EYS: variants seen among roughly 807,000 people sequenced by gnomAD.
The protein encoded by EYS is EGF-like photoreceptor maintenance factor.
In EYS, 250 loss-of-function variants were observed where a neutral mutation model predicts 282.1. The observed-to-expected ratio is 0.89, with a 90% CI of 0.80 to 0.98. The LOEUF (loss-of-function observed/expected upper bound fraction) is 0.98, where lower values mean the gene tolerates loss of function less well. Among genes scored for constraint, EYS ranks in the 50% least tolerant of loss-of-function variants. The pLI is 0.00. For missense variants in EYS, 4,016 were observed against 3,709.0 expected, an observed-to-expected ratio of 1.08 and a Z score of -2.15; for synonymous variants, 1,355 against 1,282.9, an observed-to-expected ratio of 1.06 and a Z score of -1.20.
chr6:63,981,269 G>A (rs1391623368), intron 35 of EYS, among the ~76,000 whole-genome samples: 3 of 151,742 alleles, frequency 2.0e-5, no homozygotes, highest in Non-Finnish European at 4.4e-5. Context: ...GCAAAAGACA[G>A]CATTCTTATT....
chr6:65,326,241 G>T (rs1222533124), intron 11 of EYS, among the ~76,000 whole-genome samples: 2 of 151,594 alleles, frequency 1.3e-5, no homozygotes, highest in African/African-American at 4.8e-5. Flanking sequence ...GTTTAGAAAA[G>T]CCTCCTCATT....
intron 31 of EYS, among the ~76,000 whole-genome samples, chr6:64,142,948 T>C (rs148190579): frequency 6.6e-6 from 1 of 152,216 alleles, no homozygotes; most frequent in African/African-American, 2.4e-5. Flanking sequence ...AGTAGGTAAA[T>C]TGTTTAAAAA....
chr6:65,425,962 A>G (rs111843784), intron 5 of EYS, among the ~76,000 whole-genome samples: 106 of 152,216 alleles, frequency 7.0e-4, no homozygotes, highest in Middle Eastern at 3.4e-3. Flanking sequence ...CTTCTTAATA[A>G]GTCAAACAGA....
chr6:64,978,011 G>A (rs1020733780), intron 14 of EYS, among the ~76,000 whole-genome samples: 1 of 151,920 alleles, frequency 6.6e-6, no homozygotes, highest in African/African-American at 2.4e-5. Flanking sequence ...GCAAGTGACT[G>A]TAGAAGCTGC....
At chr6:63,887,899 G>T (rs2149722717) in intron 35 of EYS, among the ~76,000 whole-genome samples, 3 of 152,338 alleles carry the variant, frequency 2.0e-5, no homozygotes, top group Middle Eastern at 6.8e-3. Context: ...GCACTGGCTT[G>T]AAATTCTTGC....
intron 1 of EYS, among the ~76,000 whole-genome samples, chr6:65,648,330 G>GTGTGTGTGTGTGTGTA: frequency 6.6e-6 from 1 of 151,946 alleles, no homozygotes; most frequent in East Asian, 1.9e-4. Flanking sequence ...GTGTGTGTGT[G>GTGTGTGTGTGTGTGTA]TGTGTGTGTG....
chr6:65,321,952 T>C (rs2150305852), intron 11 of EYS, among the ~76,000 whole-genome samples: 1 of 152,288 alleles, frequency 6.6e-6, no homozygotes, highest in South Asian at 2.1e-4. Flanking sequence ...CTGAATCTCC[T>C]TTTCCTTATT....
intron 2 of EYS, among the ~76,000 whole-genome samples, chr6:65,562,320 T>A (rs1304348955): frequency 1.3e-5 from 2 of 152,048 alleles, no homozygotes; most frequent in Non-Finnish European, 2.9e-5. Context: ...AGGGTACATA[T>A]CACCCATGGG....
Position 65,556,100 on chromosome 6 carries a change from TTAAC to T in EYS, c.-332-60111_-332-60108del, listed in dbSNP as rs761648347. 1.5e-4 allele frequency among the ~76,000 whole-genome samples: 23 copies of T among 152,304 alleles called. No homozygotes were observed. In the East Asian group the frequency reaches 1.7e-3, roughly 12 times the overall value. On this transcript the variant is annotated intron_variant, in intron 2 of 42. Transcript: ENST00000503581. ...GTTGCCCTCATTTTTCTTTCAATCTTTAACTATTTTGTTTTTCCACCTGAAAAAT... is the reference window on the plus strand; with the variant it reads ...GTTGCCCTCATTTTTCTTTCAATCTTTATTTTGTTTTTCCACCTGAAAAAT...
chr6:63,942,807 C>T (rs958652937), intron 35 of EYS, among the ~76,000 whole-genome samples: 2 of 152,126 alleles, frequency 1.3e-5, no homozygotes, highest in African/African-American at 2.4e-5. Context: ...GTCTCTTCTA[C>T]CTCTTCCGCC....
At chr6:64,076,194 T>C (rs1428651522) in intron 32 of EYS, among the ~76,000 whole-genome samples, 1 of 152,030 alleles carries the variant, frequency 6.6e-6, no homozygotes, top group Non-Finnish European at 1.5e-5. Context: ...AAATTTGTGT[T>C]TGTTTCTATT....
At chr6:64,574,670 GAT>G (rs1232290310) in intron 26 of EYS, among the ~76,000 whole-genome samples, 4 of 152,040 alleles carry the variant, frequency 2.6e-5, no homozygotes, top group African/African-American at 9.7e-5. Flanking sequence ...AACAAAAACT[GAT>G]ATATTCATTT....
intron 36 of EYS, among the ~76,000 whole-genome samples, chr6:63,815,471 C>T (rs980247971): frequency 6.6e-6 from 1 of 152,154 alleles, no homozygotes; most frequent in Non-Finnish European, 1.5e-5. Context: ...TAAAATATTA[C>T]ATTATTAAAG....
intron 30 of EYS, among the ~76,000 whole-genome samples, chr6:64,237,905 T>C (rs1157214531): frequency 1.3e-5 from 2 of 152,146 alleles, no homozygotes; most frequent in African/African-American, 2.4e-5. Context: ...TCATTTGCCA[T>C]TCAAAATAAA....
chr6:64,789,089 C>T (rs1193417656), intron 22 of EYS, among the ~76,000 whole-genome samples: 1 of 152,198 alleles, frequency 6.6e-6, no homozygotes, highest in Non-Finnish European at 1.5e-5. Flanking sequence ...TGCTACTATA[C>T]AATGTCAAGC....
chr6:65,609,445 T>A (rs1406690854), intron 2 of EYS, among the ~76,000 whole-genome samples: 8 of 152,094 alleles, frequency 5.3e-5, no homozygotes, highest in Non-Finnish European at 8.8e-5. Flanking sequence ...CTCCTAATAC[T>A]TAGCTGACTC....
rs140602018 is a variant in EYS, at chr6:64,301,833, G to A, written c.6191+5137C>T. Among the ~76,000 whole-genome samples, 288 of 152,254 alleles carry A rather than the reference G, an allele frequency of 1.9e-3. 1 individual carries two copies. Among genetic ancestry groups the A allele is most frequent in the African/African-American group, 6.6e-3 (276 of 41,544 alleles). On this transcript the variant is annotated intron_variant, in intron 30 of 42. Coordinates refer to ENST00000503581, the MANE Select transcript of EYS (RefSeq NM_001142800.2). ...TGACGGTTCTGGTAAACATGGGAAAGTGGCCATTTGGTGGAGACCACATAA... is the reference window on the plus strand; with the variant it reads ...TGACGGTTCTGGTAAACATGGGAAAATGGCCATTTGGTGGAGACCACATAA...
At chr6:65,668,591 T>C (rs1768277430) in intron 1 of EYS, among the ~76,000 whole-genome samples, 1 of 151,930 alleles carries the variant, frequency 6.6e-6, no homozygotes, top group Non-Finnish European at 1.5e-5. Flanking sequence ...TCCTTGTCCC[T>C]ACTTTAAACC....
intron 30 of EYS, among the ~76,000 whole-genome samples, chr6:64,262,497 G>A (rs1000192482): frequency 6.6e-6 from 1 of 151,734 alleles, no homozygotes; most frequent in Non-Finnish European, 1.5e-5. Context: ...GATGGCACAC[G>A]TTCCCTACGT....
Sources: allele counts gnomAD v4.1 joint callset (sites outside exome capture counted in the v4.1 genomes callset), GRCh38; gene constraint gnomAD v4.1.1; transcripts MANE v1.5; gene names NCBI Gene and HGNC (gene_info 2026-07-23, HGNC 2026-07-21).